Variants in COL3A1 observed in about 807,000 individuals in gnomAD.
The protein encoded by COL3A1 is collagen alpha-1(III) chain.
Under a neutral mutation model 200.9 loss-of-function variants are expected in COL3A1, and 46 were observed. The observed-to-expected ratio is 0.23, with a 90% CI of 0.18 to 0.29. The LOEUF (loss-of-function observed/expected upper bound fraction) is 0.29, where lower values mean the gene tolerates loss of function less well. COL3A1 is among the 10% of genes least tolerant of loss of function. COL3A1 has a pLI of 1.00. For synonymous variants in COL3A1, 650 were observed against 628.0 expected (o/e 1.03, Z -0.52); for missense variants, 1,367 against 1,917.6 (o/e 0.71, Z 5.36).
chr2:189,008,142 G>A lies in COL3A1; in HGVS notation c.3525G>A (p.Glu1175=). 1.2e-6 allele frequency: 2 copies of A among 1,610,038 alleles called. No homozygotes were observed. The highest frequency in any genetic ancestry group is 1.7e-6 in the Non-Finnish European group (2 of 1,177,384). Residue 1175 remains glutamate, a splice_region_variant and synonymous_variant, in exon 47 of 51, where the codon GAG becomes GAA. Transcript: ENST00000304636. ...GTAACAGAGGTGAAAGAGGATCTGA[G>A]GTAAGACATCACTTATACGTATGTG... ...PRGNRGERGS[E]GSPGHPGQPG... is the part of the protein sequence containing the mutation.
At position 189,007,889 on chromosome 2, in the gene COL3A1, C is replaced by T. The variant is rs745834351; in HGVS notation, c.3368C>T (p.Pro1123Leu). The T allele has an allele frequency of 6.2e-7, 1 of 1,614,042 alleles. No individual in the cohort carries two copies. Among genetic ancestry groups the T allele is most frequent in the Non-Finnish European group, 8.5e-7 (1 of 1,180,020 alleles). Residue 1123 changes from proline to leucine, a missense_variant, in exon 46 of 51, where the codon CCT becomes CTT. Transcript: ENST00000304636. The part of the protein sequence containing the change: ...GNPGAPGSPG[P>L]AGQQGAIGSP... Reference sequence around the variant, plus strand: ...GTACACTTCCTTTCTTTCCAGGGCCCTGCTGGTCAGCAGGGTGCAATCGGC... The same window carrying T: ...GTACACTTCCTTTCTTTCCAGGGCCTTGCTGGTCAGCAGGGTGCAATCGGC...
chr2:189,010,089 C>A (rs1172020947), intron 48 of COL3A1, 89 bp from the exon 49 acceptor site: 2 of 1,253,662 alleles, frequency 1.6e-6, no homozygotes, highest in African/African-American at 1.5e-5. Context: ...TAGCAGTCAA[C>A]ATTATGAATG....
chr2:188,999,817 G>A, intron 31 of COL3A1, 25 bp from the exon 32 acceptor site: 1 of 1,586,910 alleles, frequency 6.3e-7, no homozygotes, highest in Non-Finnish European at 8.6e-7. Context: ...CTTTGAATCT[G>A]ATGACATTGG....
At chr2:188,993,586 T>C in intron 16 of COL3A1, 127 bp downstream of exon 16, 1 of 853,546 alleles carries the variant, frequency 1.2e-6, no homozygotes, top group East Asian at 2.7e-5. Flanking sequence ...TTTGAAAAAA[T>C]TGTTGCTTAG....
At chr2:189,011,006 G>T (rs1688713108) in intron 50 of COL3A1, 116 bp downstream of exon 50, 7 of 1,370,290 alleles carry the variant, frequency 5.1e-6, no homozygotes, top group Non-Finnish European at 5.1e-6. Flanking sequence ...GATAGCATTT[G>T]GTATGAATTA....
chr2:188,989,224 A>G (rs560829612), intron 7 of COL3A1, among the ~76,000 whole-genome samples, 172 bp from the exon 8 acceptor site: 1 of 151,872 alleles, frequency 6.6e-6, no homozygotes, highest in East Asian at 1.9e-4. Flanking sequence ...ATTAACAGTA[A>G]GTTGATATAA....
In COL3A1 at chr2:188,989,985, C is replaced by G. The variant is rs1235637371; in HGVS notation, c.691-111C>G. ...GATCTCAACTATACATTTTGTGGAA[C>G]CATTTTAATGAGTCCTTTGTGAGAA... On this transcript the variant is annotated intron_variant, in intron 8 of 50. Transcript: ENST00000304636. The G allele has an allele frequency of 8.2e-6, 8 of 972,430 alleles. No homozygotes were observed. In the Admixed American group the frequency reaches 1.1e-4, roughly 13 times the overall value. 60.2% of individuals were successfully genotyped at this position (972,430 alleles called of 1,614,324 possible).
chr2:188,975,912 C>A (rs1055746524), intron 1 of COL3A1, among the ~76,000 whole-genome samples: 2 of 151,580 alleles, frequency 1.3e-5, no homozygotes, highest in Admixed American at 1.3e-4. Flanking sequence ...CATATCTACT[C>A]CTCTCTCCTC....
intron 5 of COL3A1, 27 bp from the exon 6 acceptor site, chr2:188,988,054 T>C: frequency 5.1e-6 from 8 of 1,570,860 alleles, no homozygotes; most frequent in Non-Finnish European, 6.1e-6. Flanking sequence ...TCATTTATTT[T>C]GTTTTTCATT....
chr2:188,995,237 TC>T, intron 21 of COL3A1, 138 bp downstream of exon 21: 1 of 819,536 alleles, frequency 1.2e-6, no homozygotes, highest in Non-Finnish European at 2.0e-6. Flanking sequence ...ATATAATGCA[TC>T]CTCTGTTCAA....
At chr2:188,976,430 G>A (rs1480499171) in intron 1 of COL3A1, among the ~76,000 whole-genome samples, 1 of 152,102 alleles carries the variant, frequency 6.6e-6, no homozygotes, top group African/African-American at 2.4e-5. Context: ...AAAAAGAGTT[G>A]AAAGAGAACT....
At position 188,999,457 on chromosome 2, in the gene COL3A1, CACTT is replaced by C; in HGVS notation, c.2122-11_2122-8del. ...TTCCTTCTGATCATTTATTATTTCT[CACTT>C]ATTTTCAGGGTGCTGCTGGTCCTCC... On this transcript the variant is annotated splice_polypyrimidine_tract_variant and intron_variant, in intron 30 of 50. Coordinates refer to ENST00000304636, the MANE Select transcript of COL3A1 (RefSeq NM_000090.4). 1 of 1,613,996 alleles carries C rather than the reference CACTT, an allele frequency of 6.2e-7. No homozygotes were observed. The highest frequency in any genetic ancestry group is 8.5e-7 in the Non-Finnish European group (1 of 1,179,974).
chr2:188,980,313 T>G (rs1687923167), intron 1 of COL3A1, among the ~76,000 whole-genome samples: 1 of 151,090 alleles, frequency 6.6e-6, no homozygotes, highest in African/African-American at 2.4e-5. Flanking sequence ...TTTAACAGGA[T>G]AAAATATTAA....
Position 189,012,382 on chromosome 2 carries a change from A to T in COL3A1, c.*608A>T, listed in dbSNP as rs1026853159. The T allele has an allele frequency of 6.5e-6, 1 of 152,730 alleles. No individual in the cohort carries two copies. Among genetic ancestry groups the T allele is most frequent in the Non-Finnish European group, 1.5e-5 (1 of 68,354 alleles). 9.5% of individuals were successfully genotyped at this position (152,730 alleles called of 1,614,324 possible). A position where few individuals can be genotyped will look rare whatever the true frequency, so the allele number is the denominator to read the frequency against. The stretch of plus-strand genomic sequence containing the variant: ...AATATTGGATATCAACTGCTTGTAA[A>T]GGTGCTCCTCTTTTTTCTTGTCATT... On this transcript the variant is annotated 3_prime_UTR_variant, in exon 51 of 51. Coordinates refer to ENST00000304636, the MANE Select transcript of COL3A1 (RefSeq NM_000090.4).
In COL3A1 at chr2:189,006,329, A is replaced by G. The variant is rs751144872; in HGVS notation, c.3094-16A>G. On this transcript the variant is annotated splice_polypyrimidine_tract_variant and intron_variant, in intron 42 of 50. Coordinates refer to ENST00000304636, the MANE Select transcript of COL3A1 (RefSeq NM_000090.4). ...TGATCATCATGTTTATTTTGTACCTATGAATTTGTTCACAGGGTGATCGTG... is the reference window on the plus strand; with the variant it reads ...TGATCATCATGTTTATTTTGTACCTGTGAATTTGTTCACAGGGTGATCGTG... 2.5e-6 allele frequency: 4 copies of G among 1,613,678 alleles called. No homozygotes were observed. The highest frequency in any genetic ancestry group is 1.3e-5 in the African/African-American group (1 of 74,916).
chr2:188,984,364 T>C (rs1688019490), intron 1 of COL3A1, among the ~76,000 whole-genome samples: 1 of 152,034 alleles, frequency 6.6e-6, no homozygotes, highest in African/African-American at 2.4e-5. Flanking sequence ...AAATCATCTC[T>C]TTAGTTTAAT....
intron 1 of COL3A1, among the ~76,000 whole-genome samples, chr2:188,980,369 ATCTTTT>A (rs1687925274): frequency 2.4e-5 from 1 of 42,406 alleles, no homozygotes; most frequent in African/African-American, 1.6e-4. Context: ...TAAAAGATTA[ATCTTTT>A]AGACAATTCT....
In COL3A1 at chr2:189,006,295, CA is replaced by C. The variant is rs149989286; in HGVS notation, c.3093+40del. The C allele has an allele frequency of 4.4e-4, 710 of 1,613,940 alleles. 6 individuals are homozygous for C. In the African/African-American group the frequency reaches 8.2e-3, roughly 19 times the overall value. On this transcript the variant is annotated intron_variant, in intron 42 of 50. Coordinates refer to ENST00000304636, the MANE Select transcript of COL3A1 (RefSeq NM_000090.4). ...CACATGTGCAATTGATTTGTGTTAT[CA>C]AAATAAGTGATCATCATGTTTATTT...
chr2:189,007,471 T>C (rs1363898547), intron 44 of COL3A1, 29 bp from the exon 45 acceptor site: 1 of 1,547,440 alleles, frequency 6.5e-7, no homozygotes, highest in Non-Finnish European at 8.9e-7. Context: ...TGTGTGTATA[T>C]GACTTCAATT....
Sources: gnomAD v4.1 joint callset for allele counts (sites outside exome capture counted in the v4.1 genomes callset) on GRCh38, gnomAD v4.1.1 for gene constraint, MANE v1.5 for transcripts, NCBI Gene and HGNC (gene_info 2026-07-23, HGNC 2026-07-21) for gene names.